CADPS: variants seen among roughly 807,000 people sequenced by gnomAD.
CADPS encodes calcium dependent secretion activator.
Under a neutral mutation model 167.3 loss-of-function variants are expected in CADPS, and 57 were observed. The ratio of observed to expected loss-of-function variants is 0.34; its 90% CI spans 0.28 to 0.42. CADPS has a LOEUF of 0.42. Ranked by LOEUF, CADPS falls within the 20% of genes least tolerant of loss-of-function variation. CADPS has a pLI of 1.00. For synonymous variants in CADPS, 676 were observed against 635.3 expected, an observed-to-expected ratio of 1.06 and a Z score of -0.96; for missense variants, 1,414 against 1,738.1, an observed-to-expected ratio of 0.81 and a Z score of 3.32.
chr3:62,838,856 T>C (rs1322323111), intron 1 of CADPS, among the ~76,000 whole-genome samples: 1 of 152,188 alleles, frequency 6.6e-6, no homozygotes, highest in African/African-American at 2.4e-5. Context: ...TTGAGGAATC[T>C]GAGCATCAGA....
At chr3:62,552,295 G>A (rs1285136399) in intron 10 of CADPS, among the ~76,000 whole-genome samples, 4 of 151,512 alleles carry the variant, frequency 2.6e-5, no homozygotes, top group South Asian at 2.1e-4. Flanking sequence ...GAGTTAATGG[G>A]TGCAGCACAC....
intron 3 of CADPS, among the ~76,000 whole-genome samples, chr3:62,688,372 T>C (rs987560868): frequency 1.3e-5 from 2 of 152,110 alleles, no homozygotes; most frequent in Admixed American, 1.3e-4. Flanking sequence ...AAGATGGGAA[T>C]AGCAGTCTCT....
intron 1 of CADPS, among the ~76,000 whole-genome samples, chr3:62,797,844 AAG>A: frequency 6.6e-6 from 1 of 152,262 alleles, no homozygotes; most frequent in Admixed American, 6.5e-5. Context: ...AGAAAAATAA[AAG>A]GTTTCCTGAA....
intron 3 of CADPS, among the ~76,000 whole-genome samples, chr3:62,712,951 C>T (rs572043625): frequency 6.6e-6 from 1 of 152,176 alleles, no homozygotes; most frequent in Non-Finnish European, 1.5e-5. Flanking sequence ...AATGAGCCAG[C>T]CTCAAACCTG....
chr3:62,630,205 AAC>A (rs2065022741), intron 6 of CADPS, among the ~76,000 whole-genome samples: 3 of 152,222 alleles, frequency 2.0e-5, no homozygotes, highest in Non-Finnish European at 4.4e-5. Flanking sequence ...GGAAACAGGT[AAC>A]AGGCTAAATC....
chr3:62,451,946 T>G (rs2058111180), intron 26 of CADPS, among the ~76,000 whole-genome samples: 1 of 152,192 alleles, frequency 6.6e-6, no homozygotes, highest in African/African-American at 2.4e-5. Context: ...TCCTGTTGGT[T>G]TGATTTTTCA....
chr3:62,862,237 A>G (rs1446344424), intron 1 of CADPS, among the ~76,000 whole-genome samples: 1 of 110,352 alleles, frequency 9.1e-6, no homozygotes, highest in Non-Finnish European at 1.8e-5. Context: ...TTTTTTTTTT[A>G]GACAGAGTCT....
chr3:62,676,569 G>C (rs2076364573), intron 3 of CADPS, among the ~76,000 whole-genome samples: 1 of 152,212 alleles, frequency 6.6e-6, no homozygotes, highest in South Asian at 2.1e-4. Context: ...TACCTAAATA[G>C]TTGTGAAAAT....
At chr3:62,728,374 G>C (rs983492710) in intron 3 of CADPS, among the ~76,000 whole-genome samples, 1 of 151,574 alleles carries the variant, frequency 6.6e-6, no homozygotes, top group Non-Finnish European at 1.5e-5. Flanking sequence ...AACCTAATTA[G>C]GAAAATTTTT....
chr3:62,400,526 A>C (rs1294314491), intron 29 of CADPS, among the ~76,000 whole-genome samples: 1 of 151,806 alleles, frequency 6.6e-6, no homozygotes, highest in East Asian at 1.9e-4. Context: ...TGATATAGGA[A>C]ACTTGCTAAA....
intron 17 of CADPS, among the ~76,000 whole-genome samples, chr3:62,501,637 G>A (rs1192938242): frequency 1.3e-5 from 2 of 152,140 alleles, no homozygotes; most frequent in African/African-American, 4.8e-5. Flanking sequence ...TAAAAATAGA[G>A]AGCTTTGTCC....
At chr3:62,565,536 C>T (rs2079998713) in intron 9 of CADPS, among the ~76,000 whole-genome samples, 1 of 152,140 alleles carries the variant, frequency 6.6e-6, no homozygotes, top group South Asian at 2.1e-4. Flanking sequence ...CTTACTGTAT[C>T]AGAGTCTTCT....
intron 1 of CADPS, among the ~76,000 whole-genome samples, chr3:62,853,291 T>C (rs1559935335): frequency 6.6e-6 from 1 of 152,156 alleles, no homozygotes; most frequent in Non-Finnish European, 1.5e-5. Context: ...GTTTTCAGTC[T>C]TTATGGCCTA....
At chr3:62,683,953 A>G (rs961893410) in intron 3 of CADPS, among the ~76,000 whole-genome samples, 1 of 152,070 alleles carries the variant, frequency 6.6e-6, no homozygotes, top group Non-Finnish European at 1.5e-5. Flanking sequence ...TCTCACTGAT[A>G]GCAAACCTGA....
At chr3:62,504,281 T>G (rs2066249508) in intron 17 of CADPS, among the ~76,000 whole-genome samples, 1 of 152,208 alleles carries the variant, frequency 6.6e-6, no homozygotes, top group Non-Finnish European at 1.5e-5. Flanking sequence ...AATCCTTTCA[T>G]CATAAAAAAT....
intron 3 of CADPS, among the ~76,000 whole-genome samples, chr3:62,749,808 T>C (rs1449075060): frequency 6.6e-6 from 1 of 152,156 alleles, no homozygotes; most frequent in Non-Finnish European, 1.5e-5. Flanking sequence ...GCTGCTGTGG[T>C]CAGTCTGAGG....
Position 62,601,045 on chromosome 3 carries a change from G to A in CADPS, c.1326-8297C>T, listed in dbSNP as rs1458031147. On this transcript the variant is annotated intron_variant, in intron 6 of 29. Transcript: ENST00000383710. This position sits in a 1 kb window ranked among gnomAD's most constrained non-coding sequence, Gnocchi z 4.3. ...GGATATGTGGTGTTTACCTCAATAC[G>A]TGGCACATAGAAAGCACTAAAAAAT... Among the ~76,000 whole-genome samples the A allele has an allele frequency of 2.6e-5, 4 of 152,258 alleles. No individual in the cohort carries two copies. Among genetic ancestry groups the A allele is most frequent in the East Asian group, 1.9e-4 (1 of 5,174 alleles).
chr3:62,830,354 AC>A (rs1389872584), intron 1 of CADPS, among the ~76,000 whole-genome samples: 2 of 152,060 alleles, frequency 1.3e-5, no homozygotes, highest in Non-Finnish European at 2.9e-5. Flanking sequence ...GAGAAAATTT[AC>A]CCCCATCTGA....
At chr3:62,609,673 G>T (rs78571460) in intron 6 of CADPS, among the ~76,000 whole-genome samples, 1 of 152,244 alleles carries the variant, frequency 6.6e-6, no homozygotes, top group South Asian at 2.1e-4. Flanking sequence ...AGTAAAGATC[G>T]AATTAGATAA....
Sources: allele counts gnomAD v4.1 joint callset (sites outside exome capture counted in the v4.1 genomes callset), GRCh38; gene constraint gnomAD v4.1.1; non-coding constraint Gnocchi (gnomAD v3.1); transcripts MANE v1.5; gene names NCBI Gene and HGNC (gene_info 2026-07-23, HGNC 2026-07-21).